The following BOC variants were observed in gnomAD, a reference collection of about 807,000 sequenced individuals.
BOC encodes brother of CDO.
In BOC, 76 loss-of-function variants were observed where a neutral mutation model predicts 112.0. That is an observed-to-expected ratio of 0.68 (90% confidence interval 0.56 to 0.82). The LOEUF (loss-of-function observed/expected upper bound fraction) is 0.82. Ranked by LOEUF, BOC falls within the 40% of genes least tolerant of loss-of-function variation. The pLI is 0.00. For missense variants in BOC, 1,309 were observed against 1,511.7 expected, an observed-to-expected ratio of 0.87 and a Z score of 2.22; for synonymous variants, 580 against 599.8, an observed-to-expected ratio of 0.97 and a Z score of 0.48.
intron 1 of BOC, among the ~76,000 whole-genome samples, chr3:113,213,998 C>T (rs191854763): frequency 2.2e-3 from 333 of 152,292 alleles, no homozygotes; most frequent in Non-Finnish European, 3.8e-3. Context: ...TATCCTCTAT[C>T]GAGATACTTC....
chr3:113,280,130 G>A (rs1237177940), intron 13 of BOC, 125 bp downstream of exon 13: 2 of 1,013,348 alleles, frequency 2.0e-6, no homozygotes, highest in Non-Finnish European at 1.4e-6. Flanking sequence ...AATTTGGGAG[G>A]CTCTTAGTGG....
At chr3:113,260,945 T>C (rs1946809185) in intron 4 of BOC, among the ~76,000 whole-genome samples, 1 of 152,136 alleles carries the variant, frequency 6.6e-6, no homozygotes, top group Non-Finnish European at 1.5e-5. Context: ...GGAAAAATTG[T>C]CTTCCATGAA....
chr3:113,279,930 C>G lies in BOC; in HGVS notation c.2130C>G (p.Tyr710Ter), dbSNP rs746153045. 2 of 1,613,954 alleles carry G rather than the reference C, an allele frequency of 1.2e-6. No individual in the cohort carries two copies. Among genetic ancestry groups the G allele is most frequent in the Admixed American group, 1.7e-5 (1 of 60,012 alleles). The part of the protein sequence containing the change: ...YVVSGYSGRV[Y>*]ERPVAGPYIT... ...TGTCGGGCTACAGCGGTCGCGTGTA[C>G]GAGAGGCCCGTGGCAGGTCCTTATA... is the stretch of plus-strand genomic sequence containing the variant. Residue 710 changes from tyrosine (Y) to a stop codon, truncating the protein, a stop_gained, in exon 13 of 20, where the codon TAC becomes TAG. Coordinates refer to ENST00000682979, the MANE Select transcript of BOC (RefSeq NM_001378074.1). LOFTEE classifies it high-confidence loss of function.
chr3:113,255,756 A>G (rs997858868), intron 4 of BOC, among the ~76,000 whole-genome samples: 3 of 152,178 alleles, frequency 2.0e-5, no homozygotes, highest in Non-Finnish European at 2.9e-5. Context: ...GGCTGACAAG[A>G]AAGGAAGGAG....
intron 9 of BOC, among the ~76,000 whole-genome samples, chr3:113,277,216 A>G (rs1948752903): frequency 6.6e-6 from 1 of 152,230 alleles, no homozygotes. Flanking sequence ...TAGAGAGGCC[A>G]GGCATTTGCT....
chr3:113,219,537 T>TGCTCG (rs752556717), intron 2 of BOC, among the ~76,000 whole-genome samples: 2 of 152,232 alleles, frequency 1.3e-5, no homozygotes, highest in African/African-American at 2.4e-5. Flanking sequence ...AAGATGTCAT[T>TGCTCG]GCAGGTCTGC....
In BOC at chr3:113,250,921, G is replaced by A. The variant is rs563798020; in HGVS notation, c.376+88G>A. The A allele has an allele frequency of 3.5e-4, 535 of 1,507,206 alleles. 5 individuals carry two copies. The South Asian group carries it at 5.9e-3, about 17-fold the overall frequency. The allele number at this position is 1,507,206 out of a possible 1,614,324, so 93.4% of individuals were successfully genotyped here. A position where few individuals can be genotyped will look rare whatever the true frequency, so the allele number is the denominator to read the frequency against. On this transcript the variant is annotated intron_variant, in intron 4 of 19. Coordinates refer to ENST00000682979, the MANE Select transcript of BOC (RefSeq NM_001378074.1). Reference sequence around the variant, plus strand: ...GCCCCCACCATTCATGCTGCCTCTTGTTACTCTTAGCATAAAATGGGCCTT... The same window carrying A: ...GCCCCCACCATTCATGCTGCCTCTTATTACTCTTAGCATAAAATGGGCCTT...
In BOC at chr3:113,287,282, TG is replaced by T. The variant is rs1949771656; in HGVS notation, c.*422del. 1 of 312,354 alleles carries T rather than the reference TG, an allele frequency of 3.2e-6. No individual in the cohort carries two copies. The highest frequency in any genetic ancestry group is 4.5e-5 in the Admixed American group (1 of 22,332). 19.3% of individuals were successfully genotyped at this position (312,354 alleles called of 1,614,324 possible). On this transcript the variant is annotated 3_prime_UTR_variant, in exon 20 of 20. Coordinates refer to ENST00000682979, the MANE Select transcript of BOC (RefSeq NM_001378074.1). The stretch of plus-strand genomic sequence containing the variant: ...GCCTGGAGACACCCACACAGATGGC[TG>T]GATCCGGTGCTACGGGAAACATTTT...
chr3:113,238,705 CTG>C (rs549959428), intron 2 of BOC, among the ~76,000 whole-genome samples: 1 of 152,216 alleles, frequency 6.6e-6, no homozygotes, highest in Non-Finnish European at 1.5e-5. Flanking sequence ...GATTTATCAT[CTG>C]TGTGATCTTG....
chr3:113,241,181 T>C (rs945184058), intron 2 of BOC, among the ~76,000 whole-genome samples: 3 of 152,180 alleles, frequency 2.0e-5, no homozygotes, highest in African/African-American at 2.4e-5. Context: ...GACCTTGTAT[T>C]GACTGGGATT....
At position 113,267,043 on chromosome 3, in the gene BOC, A is replaced by G. The variant is rs757824327; in HGVS notation, c.377-1256A>G. On this transcript the variant is annotated intron_variant, in intron 4 of 19. Transcript: ENST00000682979. The stretch of plus-strand genomic sequence containing the variant: ...GAGGCAGGTGCAGTCTTGCAGTGAA[A>G]TTGCAGTCAGTCCCAATGCTGTCAG... Among the ~76,000 whole-genome samples the G allele has an allele frequency of 1.3e-4, 20 of 152,208 alleles. No individual in the cohort carries two copies. The South Asian group carries it at 1.7e-3, about 13-fold the overall frequency.
intron 4 of BOC, among the ~76,000 whole-genome samples, chr3:113,254,911 C>T (rs1312794603): frequency 6.6e-6 from 1 of 152,148 alleles, no homozygotes; most frequent in Non-Finnish European, 1.5e-5. Flanking sequence ...TTCACCCTGA[C>T]CAGGTGACAT....
At chr3:113,249,602 G>T in intron 2 of BOC, 120 bp from the exon 3 acceptor site, 1 of 505,350 alleles carries the variant, frequency 2.0e-6, no homozygotes, top group Non-Finnish European at 3.4e-6. Flanking sequence ...GCATGACCGG[G>T]TCTCTAGTTT....
At position 113,247,500 on chromosome 3, in the gene BOC, G is replaced by GAAAAAAAA. The variant is rs58781225; in HGVS notation, c.-81-2212_-81-2205dup. Among the ~76,000 whole-genome samples the GAAAAAAAA allele has an allele frequency of 7.9e-4, 99 of 125,774 alleles. No homozygotes were observed. The East Asian group carries it at 0.014, about 17-fold the overall frequency. 82.5% of individuals were successfully genotyped at this position (125,774 alleles called of 152,430 possible). On this transcript the variant is annotated intron_variant, in intron 2 of 19. Transcript: ENST00000682979. Reference sequence around the variant, plus strand: ...CCCACTGGTTTCAGAGCCCTGATAGGAAAAAAAAAAAAAAAAAGGGAAAAA... The same window carrying GAAAAAAAA: ...CCCACTGGTTTCAGAGCCCTGATAGGAAAAAAAAAAAAAAAAAAAAAAAAAGGGAAAAA...
intron 15 of BOC, among the ~76,000 whole-genome samples, chr3:113,282,685 A>G (rs1329337059): frequency 6.6e-6 from 1 of 152,042 alleles, no homozygotes; most frequent in Admixed American, 6.5e-5. Flanking sequence ...GAATATACAG[A>G]GAGTACAGAC....
At position 113,279,502 on chromosome 3, in the gene BOC, C is replaced by T. The variant is rs1343542544; in HGVS notation, c.2023+47C>T. The T allele has an allele frequency of 2.6e-6, 4 of 1,567,262 alleles. No homozygotes were observed. In the Admixed American group the frequency reaches 5.2e-5, roughly 21 times the overall value. On this transcript the variant is annotated intron_variant, in intron 12 of 19. Coordinates refer to ENST00000682979, the MANE Select transcript of BOC (RefSeq NM_001378074.1). ...GGCCTTGGCCTGATCCCCCAGCTGC[C>T]CCTTTCCGCCTGGAGGAGGATGACG...
chr3:113,278,825 G>C lies in BOC; in HGVS notation c.1816+42G>C. The stretch of plus-strand genomic sequence containing the variant: ...AGGGACGGACGCGCAGTCAGGACTG[G>C]AACTGCCTCAGAGGCCTGTTCCCAT... On this transcript the variant is annotated intron_variant, in intron 11 of 19. Coordinates refer to ENST00000682979, the MANE Select transcript of BOC (RefSeq NM_001378074.1). The surrounding 1 kb of genome is among the most constrained non-coding windows in gnomAD (Gnocchi z 4.2). The C allele has an allele frequency of 1.3e-6, 2 of 1,523,542 alleles. No individual in the cohort carries two copies. Among genetic ancestry groups the C allele is most frequent in the Non-Finnish European group, 1.8e-6 (2 of 1,122,596 alleles). 94.4% of individuals were successfully genotyped at this position (1,523,542 alleles called of 1,614,324 possible). A position where few individuals can be genotyped will look rare whatever the true frequency, so the allele number is the denominator to read the frequency against.
intron 2 of BOC, among the ~76,000 whole-genome samples, chr3:113,217,649 C>A (rs1055849893): frequency 3.1e-4 from 47 of 152,134 alleles, no homozygotes; most frequent in Non-Finnish European, 6.2e-4. Flanking sequence ...CCAAAGTGTT[C>A]TTTTATCTCT....
Position 113,286,541 on chromosome 3 carries a change from G to A in BOC, c.3161-134G>A, listed in dbSNP as rs1184738104. On this transcript the variant is annotated intron_variant, in intron 19 of 19. Transcript: ENST00000682979. ...GAGGGAACAGAAGTGCCCTTGTCTC[G>A]GTTGTAGGTTTCTGTCCCCTTTCCA... The A allele has an allele frequency of 1.9e-5, 15 of 796,768 alleles. 1 individual carries two copies. Among genetic ancestry groups the A allele is most frequent in the South Asian group, 1.8e-4 (7 of 39,870 alleles). The allele number at this position is 796,768 out of a possible 1,614,324, so 49.4% of individuals were successfully genotyped here. A position where few individuals can be genotyped will look rare whatever the true frequency, so the allele number is the denominator to read the frequency against.
Sources: allele counts gnomAD v4.1 joint callset (sites outside exome capture counted in the v4.1 genomes callset), GRCh38; gene constraint gnomAD v4.1.1; non-coding constraint Gnocchi (gnomAD v3.1); transcripts MANE v1.5; gene names NCBI Gene and HGNC (gene_info 2026-07-23, HGNC 2026-07-21).